The following HAUS2 variants were observed in gnomAD, a reference collection of about 807,000 sequenced individuals.
The protein encoded by HAUS2 is HAUS augmin like complex subunit 2, also known as HAUS augmin-like complex subunit 2.
HAUS2 carries 20 observed loss-of-function variants against 21.6 expected under a neutral mutation model. The observed-to-expected ratio is 0.93, with a 90% CI of 0.65 to 1.35. The LOEUF is 1.35. HAUS2 is among the 40% of genes most tolerant of loss of function. The pLI is 0.00. For missense variants in HAUS2, 297 were observed against 280.7 expected, an observed-to-expected ratio of 1.06 and a Z score of -0.42; for synonymous variants, 113 against 95.6, an observed-to-expected ratio of 1.18 and a Z score of -1.06.
chr15:42,557,156 A>C (rs1334891612), intron 1 of HAUS2, among the ~76,000 whole-genome samples: 1 of 146,792 alleles, frequency 6.8e-6, no homozygotes, highest in African/African-American at 2.5e-5. Flanking sequence ...CTACTAAAAA[A>C]TACAAAAAAA....
intron 4 of HAUS2, among the ~76,000 whole-genome samples, chr15:42,563,410 C>CAAAAAAAAAAA (rs745358598): frequency 6.8e-5 from 4 of 59,252 alleles, no homozygotes; most frequent in Non-Finnish European, 1.0e-4. Flanking sequence ...GACTCCATCT[C>CAAAAAAAAAAA]AAAAAAAAAA....
At chr15:42,561,688 A>G (rs139186975) in intron 4 of HAUS2, 41 of 291,466 alleles carry the variant, frequency 1.4e-4, no homozygotes, top group African/African-American at 8.6e-4. Context: ...TATGTGAAGT[A>G]AATTCATTGT....
Position 42,561,412 on chromosome 15 carries a change from A to G in HAUS2, c.389+10A>G. On this transcript the variant is annotated intron_variant, in intron 4 of 5. Coordinates refer to ENST00000260372, the MANE Select transcript of HAUS2 (RefSeq NM_018097.3). ...AAGCTGTTTATCACAGGTTAGACTGAAAAGTAGAAATTAACAGTTACACCT... is the reference window on the plus strand; with the variant it reads ...AAGCTGTTTATCACAGGTTAGACTGGAAAGTAGAAATTAACAGTTACACCT... The G allele has an allele frequency of 6.3e-7, 1 of 1,587,670 alleles. No individual in the cohort carries two copies. The highest frequency in any genetic ancestry group is 8.6e-7 in the Non-Finnish European group (1 of 1,157,358).
intron 1 of HAUS2, among the ~76,000 whole-genome samples, chr15:42,551,255 T>C (rs924694077): frequency 2.6e-5 from 4 of 151,494 alleles, no homozygotes; most frequent in African/African-American, 9.7e-5. Flanking sequence ...CCCAAAGTAC[T>C]GGGAGCTGAA....
intron 1 of HAUS2, among the ~76,000 whole-genome samples, chr15:42,555,311 G>A (rs1294935931): frequency 2.0e-5 from 3 of 151,860 alleles, no homozygotes; most frequent in Non-Finnish European, 2.9e-5. Context: ...TTAATTTTTT[G>A]TAGAGACAGG....
intron 4 of HAUS2, 89 bp downstream of exon 4, chr15:42,561,491 A>G: frequency 1.3e-6 from 1 of 785,450 alleles, no homozygotes; most frequent in East Asian, 2.4e-5. Flanking sequence ...AATTCATAAA[A>G]CAATTAGTGA....
At chr15:42,559,122 A>G (rs2057821316) in intron 2 of HAUS2, among the ~76,000 whole-genome samples, 1 of 151,836 alleles carries the variant, frequency 6.6e-6, no homozygotes, top group Non-Finnish European at 1.5e-5. Context: ...AAACTTCAGT[A>G]AATCCCCTGG....
At position 42,566,943 on chromosome 15, in the gene HAUS2, C is replaced by G. The variant is rs1408434069; in HGVS notation, c.*127C>G. ...AAGAACCTGCTTTATATTGGAGTATCAAGATCTCAGGTTCATTAAGACCAA... is the reference window on the plus strand; with the variant it reads ...AAGAACCTGCTTTATATTGGAGTATGAAGATCTCAGGTTCATTAAGACCAA... On this transcript the variant is annotated 3_prime_UTR_variant, in exon 6 of 6. Coordinates refer to ENST00000260372, the MANE Select transcript of HAUS2 (RefSeq NM_018097.3). 10 of 565,990 alleles carry G rather than the reference C, an allele frequency of 1.8e-5. No homozygotes were observed. Among genetic ancestry groups the G allele is most frequent in the Non-Finnish European group, 3.1e-5 (10 of 319,834 alleles). 35.1% of individuals were successfully genotyped at this position (565,990 alleles called of 1,614,324 possible). A position where few individuals can be genotyped will look rare whatever the true frequency, so the allele number is the denominator to read the frequency against.
At chr15:42,553,485 T>TC (rs1039671269) in intron 1 of HAUS2, among the ~76,000 whole-genome samples, 2 of 151,970 alleles carry the variant, frequency 1.3e-5, no homozygotes, top group Non-Finnish European at 2.9e-5. Context: ...TTTTCTTTTT[T>TC]TTTTTAAATG....
chr15:42,565,386 A>AGTGT (rs1413557687), intron 5 of HAUS2, among the ~76,000 whole-genome samples: 6 of 77,342 alleles, frequency 7.8e-5, no homozygotes, highest in Non-Finnish European at 1.1e-4. Flanking sequence ...GGAGCCATTG[A>AGTGT]ATGTGTGTGT....
intron 4 of HAUS2, among the ~76,000 whole-genome samples, chr15:42,562,066 C>T (rs2057858491): frequency 6.6e-6 from 1 of 151,902 alleles, no homozygotes; most frequent in African/African-American, 2.4e-5. Context: ...ACCTGTATTC[C>T]TGAGCTGGGA....
intron 3 of HAUS2, among the ~76,000 whole-genome samples, chr15:42,560,282 TTATA>T (rs1435607740): frequency 6.6e-6 from 1 of 152,104 alleles, no homozygotes; most frequent in Non-Finnish European, 1.5e-5. Flanking sequence ...TGTGCTGTAG[TTATA>T]TAGGAGAATG....
At position 42,559,526 on chromosome 15, in the gene HAUS2, A is replaced by C. The variant is rs755606306; in HGVS notation, c.256+118A>C. The stretch of plus-strand genomic sequence containing the variant: ...CATCATTTTTCCAGGTGTTGTCCCA[A>C]AGCTAATGAAATCTTGTATTTCTAT... On this transcript the variant is annotated intron_variant, in intron 3 of 5. Coordinates refer to ENST00000260372, the MANE Select transcript of HAUS2 (RefSeq NM_018097.3). The C allele has an allele frequency of 1.3e-4, 86 of 655,750 alleles. 1 individual carries two copies. Among genetic ancestry groups the C allele is most frequent in the Non-Finnish European group, 2.2e-4 (79 of 363,102 alleles). 40.6% of individuals were successfully genotyped at this position (655,750 alleles called of 1,614,324 possible). A position where few individuals can be genotyped will look rare whatever the true frequency, so the allele number is the denominator to read the frequency against.
In HAUS2 at chr15:42,548,884, C is replaced by T. The variant is rs769888858; in HGVS notation, c.12C>T (p.Ala4=). The change falls in exon 1 of 6, where the codon GCC becomes GCT. Residue 4 remains alanine, a synonymous_variant. Transcript: ENST00000260372. ...GGTGCGTCCGAGCCATGGCCGCTGC[C>T]AACCCGTGGGACCCGGCGTCCGCGC... MAA[A]NPWDPASAPN... 2.8e-5 allele frequency: 43 copies of T among 1,549,928 alleles called. No individual in the cohort carries two copies. The South Asian group carries it at 4.5e-4, about 16-fold the overall frequency.
At chr15:42,559,136 CT>C (rs370146156) in intron 2 of HAUS2, among the ~76,000 whole-genome samples, 309 of 138,244 alleles carry the variant, frequency 2.2e-3, no homozygotes, top group Middle Eastern at 3.9e-3. Context: ...CCCCTGGACT[CT>C]TTTTTTTTTT....
rs1248462969 is a variant in HAUS2, at chr15:42,548,882, G to C, written c.10G>C (p.Ala4Pro). 6.5e-7 allele frequency: 1 copy of C among 1,549,806 alleles called. No homozygotes were observed. Among genetic ancestry groups the C allele is most frequent in the Middle Eastern group, 2.0e-4 (1 of 4,904 alleles). MAA[A>P]NPWDPASAPN... is the part of the protein sequence containing the mutation. ...AAGGTGCGTCCGAGCCATGGCCGCTGCCAACCCGTGGGACCCGGCGTCCGC... is the reference window on the plus strand; with the variant it reads ...AAGGTGCGTCCGAGCCATGGCCGCTCCCAACCCGTGGGACCCGGCGTCCGC... Residue 4 changes from alanine to proline, a missense_variant, in exon 1 of 6, where the codon GCC (alanine) becomes CCC (proline). Transcript: ENST00000260372.
intron 1 of HAUS2, among the ~76,000 whole-genome samples, chr15:42,550,196 G>A (rs2057708168): frequency 1.3e-5 from 2 of 151,672 alleles, no homozygotes; most frequent in African/African-American, 2.4e-5. Flanking sequence ...ATGGGAAGAT[G>A]GCTTGAGCTT....
intron 2 of HAUS2, among the ~76,000 whole-genome samples, chr15:42,558,678 C>A (rs2057815230): frequency 6.6e-6 from 1 of 151,846 alleles, no homozygotes; most frequent in African/African-American, 2.4e-5. Flanking sequence ...CAAAAGTTGG[C>A]CAGATGTAGT....
chr15:42,549,393 G>T lies in HAUS2; in HGVS notation c.93+428G>T, dbSNP rs116951815. Among the ~76,000 whole-genome samples, 507 of 151,932 alleles carry T rather than the reference G, an allele frequency of 3.3e-3. 2 individuals carry two copies. The highest frequency in any genetic ancestry group is 3.5e-3 in the Non-Finnish European group (241 of 67,922). On this transcript the variant is annotated intron_variant, in intron 1 of 5. Transcript: ENST00000260372. ...ATCGTATTTGGGGCGGGAGGTGCTGGGTAGAGAAGAGCGCCAGAAGCTCTT... is the reference window on the plus strand; with the variant it reads ...ATCGTATTTGGGGCGGGAGGTGCTGTGTAGAGAAGAGCGCCAGAAGCTCTT...
Sources: gnomAD v4.1 joint callset for allele counts (sites outside exome capture counted in the v4.1 genomes callset) on GRCh38, gnomAD v4.1.1 for gene constraint, MANE v1.5 for transcripts, NCBI Gene and HGNC (gene_info 2026-07-23, HGNC 2026-07-21) for gene names.